Variants in CDH18 observed in about 807,000 individuals in gnomAD.
CDH18 encodes cadherin-18.
Under a neutral mutation model 67.9 loss-of-function variants are expected in CDH18, and 31 were observed. The ratio of observed to expected loss-of-function variants is 0.46; its 90% CI spans 0.34 to 0.62. The LOEUF (loss-of-function observed/expected upper bound fraction) is 0.62, where lower values mean the gene tolerates loss of function less well. Ranked by LOEUF, CDH18 falls within the 20% of genes least tolerant of loss-of-function variation. The pLI, the probability that CDH18 is intolerant of heterozygous loss-of-function variation, is 0.01. For synonymous variants in CDH18, 362 were observed against 347.2 expected (o/e 1.04, Z -0.48); for missense variants, 890 against 975.5 (o/e 0.91, Z 1.17).
intron 1 of CDH18, among the ~76,000 whole-genome samples, chr5:20,388,080 A>T (rs895258224): frequency 2.0e-4 from 30 of 152,190 alleles, no homozygotes; most frequent in Non-Finnish European, 2.6e-4. Context: ...TGCTGGCCTC[A>T]TAAAATGAGT....
intron 10 of CDH18, among the ~76,000 whole-genome samples, chr5:19,507,909 A>G (rs1744470928): frequency 6.6e-6 from 1 of 152,124 alleles, no homozygotes; most frequent in Non-Finnish European, 1.5e-5. Context: ...GTATAATTTA[A>G]AAAAAAGAAG....
At chr5:19,781,932 A>G (rs969972612) in intron 3 of CDH18, among the ~76,000 whole-genome samples, 10 of 152,148 alleles carry the variant, frequency 6.6e-5, no homozygotes, top group Non-Finnish European at 1.0e-4. Flanking sequence ...CAGTAAATCA[A>G]TTTCCCCTTT....
At chr5:19,591,863 A>C (rs1745193757) in intron 6 of CDH18, among the ~76,000 whole-genome samples, 1 of 152,106 alleles carries the variant, frequency 6.6e-6, no homozygotes, top group Non-Finnish European at 1.5e-5. Context: ...AAGTTATTAA[A>C]ATTTTTAAAA....
chr5:20,534,422 ATATG>A (rs1048682124), intron 1 of CDH18, among the ~76,000 whole-genome samples: 11 of 152,246 alleles, frequency 7.2e-5, no homozygotes, highest in Admixed American at 5.9e-4. Context: ...AATGAAATGA[ATATG>A]TATATTTTCC....
Position 19,503,097 on chromosome 5 carries a change from TGGTATG to T in CDH18, c.1519_1524del (p.His507_Thr508del). The T allele has an allele frequency of 6.3e-7, 1 of 1,579,638 alleles. No individual in the cohort carries two copies. The highest frequency in any genetic ancestry group is 1.3e-5 in the African/African-American group (1 of 74,254). On this transcript the variant is annotated inframe_deletion, in exon 11 of 13. Coordinates refer to ENST00000382275, the MANE Select transcript of CDH18 (RefSeq NM_004934.5). ...AAATCATCTTTATCAGTGGCACTGATGGTATGAATAACCTAAAGAAAAGACAAACTC... is the reference window on the plus strand; with the variant it reads ...AAATCATCTTTATCAGTGGCACTGATAATAACCTAAAGAAAAGACAAACTC...
chr5:20,200,958 A>G (rs1415971868), intron 2 of CDH18, among the ~76,000 whole-genome samples: 2 of 152,070 alleles, frequency 1.3e-5, no homozygotes, highest in African/African-American at 4.8e-5. Flanking sequence ...TCTTATTTTC[A>G]TTGTTTCCCT....
At chr5:19,832,833 G>A (rs1385319796) in intron 3 of CDH18, among the ~76,000 whole-genome samples, 1 of 151,978 alleles carries the variant, frequency 6.6e-6, no homozygotes, top group Non-Finnish European at 1.5e-5. Context: ...AGATCAGATG[G>A]TTGCAGATGT....
chr5:19,477,363 A>G (rs1738648101), intron 12 of CDH18, among the ~76,000 whole-genome samples: 1 of 151,710 alleles, frequency 6.6e-6, no homozygotes, highest in African/African-American at 2.4e-5. Context: ...AGATGGCACC[A>G]GGTAGATACT....
chr5:20,086,036 A>G (rs1744920172), intron 2 of CDH18, among the ~76,000 whole-genome samples: 1 of 152,256 alleles, frequency 6.6e-6, no homozygotes, highest in East Asian at 1.9e-4. Flanking sequence ...CAAAACAGTG[A>G]GCCAAGATGT....
chr5:20,287,455 TAA>T (rs1474658243), intron 1 of CDH18, among the ~76,000 whole-genome samples: 5 of 151,800 alleles, frequency 3.3e-5, no homozygotes, highest in Non-Finnish European at 5.9e-5. Flanking sequence ...TGTTTCTATA[TAA>T]GTTTCAAAGA....
At chr5:19,951,228 C>T (rs2388044) in intron 2 of CDH18, among the ~76,000 whole-genome samples, 142,368 of 152,118 alleles carry the variant, frequency 0.94, 66,761 homozygotes, top group South Asian at 0.99. Context: ...ATTTTTCTCT[C>T]TGGGTAAGGC....
intron 3 of CDH18, among the ~76,000 whole-genome samples, chr5:19,780,710 G>C (rs1775014631): frequency 6.6e-6 from 1 of 151,946 alleles, no homozygotes; most frequent in South Asian, 2.1e-4. Flanking sequence ...AAATTCACTA[G>C]AGACAAAATG....
chr5:19,822,312 T>C lies in CDH18; in HGVS notation c.228+16447A>G, dbSNP rs556619391. On this transcript the variant is annotated intron_variant, in intron 3 of 12. Coordinates refer to ENST00000382275, the MANE Select transcript of CDH18 (RefSeq NM_004934.5). ...TAAATGGAAACAAGAGGAGGCGTTG[T>C]TATTCTTAAATCAGACAAAGCAGAT... 9.3e-4 allele frequency among the ~76,000 whole-genome samples: 141 copies of C among 152,292 alleles called. 1 individual carries two copies. The highest frequency in any genetic ancestry group is 3.3e-3 in the African/African-American group (139 of 41,554).
intron 10 of CDH18, among the ~76,000 whole-genome samples, chr5:19,514,159 C>A (rs1037853117): frequency 1.3e-5 from 2 of 152,194 alleles, no homozygotes; most frequent in Admixed American, 6.6e-5. Flanking sequence ...ATCCACGTCC[C>A]TACAAAGGAC....
intron 2 of CDH18, among the ~76,000 whole-genome samples, chr5:20,126,889 A>T (rs186653753): frequency 2.6e-5 from 4 of 152,346 alleles, no homozygotes; most frequent in African/African-American, 9.6e-5. Context: ...GATGAAAACA[A>T]TATGGAATTT....
chr5:20,569,684 C>T (rs13156145), intron 1 of CDH18, among the ~76,000 whole-genome samples: 42,602 of 152,072 alleles, frequency 0.28, 6,784 homozygotes, highest in Middle Eastern at 0.41. Context: ...GGTATTTACC[C>T]AAATGAGTTG....
chr5:19,909,351 G>C (rs1382795558), intron 2 of CDH18, among the ~76,000 whole-genome samples: 1 of 148,986 alleles, frequency 6.7e-6, no homozygotes, highest in Non-Finnish European at 1.5e-5. Flanking sequence ...CCTGCCTGGA[G>C]TGTAGTGGTG....
chr5:20,481,067 G>C (rs1477367370), intron 1 of CDH18, among the ~76,000 whole-genome samples: 1 of 151,734 alleles, frequency 6.6e-6, no homozygotes, highest in Non-Finnish European at 1.5e-5. Context: ...GAAAAAAAAA[G>C]CAAGACCCAG....
intron 6 of CDH18, 72 bp from the exon 7 acceptor site, chr5:19,591,316 A>G: frequency 7.3e-6 from 8 of 1,090,748 alleles, no homozygotes; most frequent in Non-Finnish European, 8.9e-6. Context: ...AAAAATAAAT[A>G]TTTAGAGCAC....
Sources: gnomAD v4.1 joint callset for allele counts (sites outside exome capture counted in the v4.1 genomes callset) on GRCh38, gnomAD v4.1.1 for gene constraint, MANE v1.5 for transcripts, NCBI Gene and HGNC (gene_info 2026-07-23, HGNC 2026-07-21) for gene names.